Variants in CCDC30 observed in about 807,000 individuals in gnomAD.
CCDC30 encodes the protein coiled-coil domain-containing protein 30.
CCDC30 carries 70 observed loss-of-function variants against 100.2 expected under a neutral mutation model. The ratio of observed to expected loss-of-function variants is 0.70; its 90% confidence interval spans 0.58 to 0.85. The LOEUF is 0.85. Ranked by LOEUF, CCDC30 falls within the 40% of genes least tolerant of loss-of-function variation. The pLI, the probability that CCDC30 is intolerant of heterozygous loss-of-function variation, is 0.00. For synonymous variants in CCDC30, 233 were observed against 269.5 expected, an observed-to-expected ratio of 0.86 and a Z score of 1.33; for missense variants, 652 against 771.2, an observed-to-expected ratio of 0.85 and a Z score of 1.83.
intron 6 of CCDC30, among the ~76,000 whole-genome samples, chr1:42,514,881 G>C (rs567442622): frequency 6.6e-6 from 1 of 152,184 alleles, no homozygotes; most frequent in South Asian, 2.1e-4. Flanking sequence ...TTGAACTCCT[G>C]ACCTCAGGTG....
intron 6 of CCDC30, among the ~76,000 whole-genome samples, chr1:42,540,606 T>C (rs1033574431): frequency 6.6e-6 from 1 of 152,054 alleles, no homozygotes; most frequent in East Asian, 1.9e-4. Context: ...TTCCAAATGT[T>C]AACATGGTAT....
At chr1:42,509,885 C>A (rs936833885) in intron 6 of CCDC30, among the ~76,000 whole-genome samples, 5 of 151,884 alleles carry the variant, frequency 3.3e-5, no homozygotes, top group East Asian at 3.8e-4. Context: ...AAAAAAAAAA[C>A]CGTAAAACTT....
intron 4 of CCDC30, among the ~76,000 whole-genome samples, chr1:42,493,445 G>T (rs1644178645): frequency 6.6e-6 from 1 of 152,072 alleles, no homozygotes; most frequent in Non-Finnish European, 1.5e-5. Flanking sequence ...AAAATTAGCT[G>T]GGTGTGGTGG....
intron 6 of CCDC30, among the ~76,000 whole-genome samples, chr1:42,528,972 A>G (rs946290941): frequency 1.3e-5 from 2 of 152,234 alleles, no homozygotes; most frequent in African/African-American, 4.8e-5. Flanking sequence ...TCTAACCTCA[A>G]TCCTCTAAGC....
chr1:42,548,425 A>G (rs1481091909), intron 6 of CCDC30, among the ~76,000 whole-genome samples: 1 of 152,180 alleles, frequency 6.6e-6, no homozygotes, highest in African/African-American at 2.4e-5. Flanking sequence ...AGAGTTGACC[A>G]TTTTATTTAG....
chr1:42,494,218 G>T (rs932200899), intron 4 of CCDC30, among the ~76,000 whole-genome samples: 1 of 152,148 alleles, frequency 6.6e-6, no homozygotes, highest in Non-Finnish European at 1.5e-5. Context: ...ACAACTATCT[G>T]ATCTTTGACA....
At chr1:42,548,497 G>C (rs60477448) in intron 6 of CCDC30, among the ~76,000 whole-genome samples, 20,609 of 152,068 alleles carry the variant, frequency 0.14, 1,525 homozygotes, top group East Asian at 0.17. Context: ...TAAAACAAGG[G>C]CTTTTTATCA....
chr1:42,567,039 C>T (rs761260765), intron 7 of CCDC30, among the ~76,000 whole-genome samples: 6 of 152,102 alleles, frequency 3.9e-5, no homozygotes, highest in Non-Finnish European at 8.8e-5. Flanking sequence ...AATTATGGTT[C>T]AATTCTGTAA....
chr1:42,457,593 T>TGGGGCGAGTGAATCCTGGGG, the CCDC30 span: 5 of 524,614 alleles, frequency 9.5e-6, no homozygotes, highest in Admixed American at 3.3e-5. Flanking sequence ...AGTCAGATCA[T>TGGGGCGAGTGAATCCTGGGG]GGGGCGAGTG....
intron 10 of CCDC30, among the ~76,000 whole-genome samples, chr1:42,598,533 T>C (rs1646338116): frequency 1.3e-5 from 2 of 151,860 alleles, no homozygotes; most frequent in African/African-American, 4.8e-5. Context: ...TTATATAAAA[T>C]GCTCTATTAA....
intron 6 of CCDC30, among the ~76,000 whole-genome samples, chr1:42,508,655 G>T (rs1216795071): frequency 2.0e-5 from 3 of 152,262 alleles, no homozygotes; most frequent in Non-Finnish European, 4.4e-5. Context: ...GGGAAACAGA[G>T]GGTGTGTACG....
At chr1:42,457,515 G>C in the CCDC30 span, 3 of 635,700 alleles carry the variant, frequency 4.7e-6, no homozygotes, top group Non-Finnish European at 8.4e-6. Flanking sequence ...ATCTAGTGAG[G>C]GAGCTGGACA....
At chr1:42,534,622 A>T (rs1210649454) in intron 6 of CCDC30, among the ~76,000 whole-genome samples, 1 of 152,226 alleles carries the variant, frequency 6.6e-6, no homozygotes, top group Non-Finnish European at 1.5e-5. Flanking sequence ...TAAGAAAGGT[A>T]AATTAGTAGT....
At chr1:42,512,449 G>A (rs531177405) in intron 6 of CCDC30, among the ~76,000 whole-genome samples, 1 of 152,292 alleles carries the variant, frequency 6.6e-6, no homozygotes, top group South Asian at 2.1e-4. Context: ...ACTGTGGCGG[G>A]TGGGGGGAGA....
chr1:42,643,901 G>A (rs374307726), intron 13 of CCDC30, among the ~76,000 whole-genome samples: 3 of 152,250 alleles, frequency 2.0e-5, no homozygotes, highest in Admixed American at 6.5e-5. Context: ...AGAACCAGAT[G>A]CAAGCTATGT....
At chr1:42,571,589 G>T (rs1394424786) in intron 7 of CCDC30, among the ~76,000 whole-genome samples, 1 of 152,120 alleles carries the variant, frequency 6.6e-6, no homozygotes, top group Non-Finnish European at 1.5e-5. Flanking sequence ...ACTTGATTGA[G>T]AATTTCTTTT....
At chr1:42,514,746 C>T (rs1360792142) in intron 6 of CCDC30, among the ~76,000 whole-genome samples, 3 of 152,150 alleles carry the variant, frequency 2.0e-5, no homozygotes, top group Non-Finnish European at 4.4e-5. Context: ...CTCAGCCTAC[C>T]AGGTTCAAGT....
intron 6 of CCDC30, among the ~76,000 whole-genome samples, chr1:42,504,340 T>G (rs1250020146): frequency 6.6e-6 from 1 of 152,194 alleles, no homozygotes; most frequent in Non-Finnish European, 1.5e-5. Context: ...TGGTCAGTTT[T>G]GGGGCCAGAT....
At chr1:42,637,427 A>T (rs769502983) in intron 12 of CCDC30, 49 bp downstream of exon 16, 27 of 1,547,456 alleles carry the variant, frequency 1.7e-5, no homozygotes, top group African/African-American at 2.8e-5. Context: ...TCCCATGGTC[A>T]GCCATTTGGA....
Sources: allele counts gnomAD v4.1 joint callset (sites outside exome capture counted in the v4.1 genomes callset), GRCh38; gene constraint gnomAD v4.1.1; transcripts MANE v1.5; gene names NCBI Gene and HGNC (gene_info 2026-07-23, HGNC 2026-07-21).